RNF10: variants seen among roughly 807,000 people sequenced by gnomAD.
RNF10 encodes the protein E3 ubiquitin-protein ligase RNF10.
In RNF10, 38 loss-of-function variants were observed where a neutral mutation model predicts 91.4. That is an observed-to-expected ratio of 0.42 (90% CI 0.32 to 0.54). The LOEUF (loss-of-function observed/expected upper bound fraction) is 0.54. Ranked by LOEUF, RNF10 falls within the 20% of genes least tolerant of loss-of-function variation. RNF10 has a pLI of 0.16. For synonymous variants in RNF10, 364 were observed against 366.3 expected (o/e 0.99, Z 0.07); for missense variants, 945 against 1,012.0 (o/e 0.93, Z 0.90).
intron 1 of RNF10, among the ~76,000 whole-genome samples, chr12:120,543,832 G>A (rs1871912336): frequency 6.6e-6 from 1 of 151,640 alleles, no homozygotes; most frequent in African/African-American, 2.4e-5. Flanking sequence ...TGGGTGTGGT[G>A]GTGCACACCT....
chr12:120,557,510 TC>T (rs1158704021), intron 5 of RNF10, 35 bp from the exon 6 acceptor site: 2 of 1,613,914 alleles, frequency 1.2e-6, no homozygotes, highest in Non-Finnish European at 1.7e-6. Context: ...ATCTCTTCAC[TC>T]CTTGCCCTGC....
At chr12:120,548,598 G>A (rs554758174) in intron 2 of RNF10, among the ~76,000 whole-genome samples, 119 of 152,150 alleles carry the variant, frequency 7.8e-4, no homozygotes, top group African/African-American at 2.7e-3. Flanking sequence ...TTGCTCTAAA[G>A]GGGAGCAGAG....
At chr12:120,546,173 CTA>C in intron 1 of RNF10, among the ~76,000 whole-genome samples, 1 of 152,262 alleles carries the variant, frequency 6.6e-6, no homozygotes, top group South Asian at 2.1e-4. Flanking sequence ...GTGGTTTGAT[CTA>C]CGCTGTGTTT....
At chr12:120,551,127 A>G (rs1872985507) in intron 2 of RNF10, among the ~76,000 whole-genome samples, 1 of 151,658 alleles carries the variant, frequency 6.6e-6, no homozygotes, top group Non-Finnish European at 1.5e-5. Context: ...ATGGGACCAC[A>G]GGCATGCATC....
Position 120,563,909 on chromosome 12 carries a change from C to T in RNF10, c.1631C>T (p.Thr544Ile), listed in dbSNP as rs377456759. 3.7e-6 allele frequency: 6 copies of T among 1,614,046 alleles called. No individual in the cohort carries two copies. The African/African-American group carries it at 6.7e-5, about 18-fold the overall frequency. Reference sequence around the variant, plus strand: ...AGGAGCCCCGAGAAGATCTCAGCAACTGTGGTGGAGATTGCTGGCTACTCC... The same window carrying T: ...AGGAGCCCCGAGAAGATCTCAGCAATTGTGGTGGAGATTGCTGGCTACTCC... ...LERSPEKISA[T>I]VVEIAGYSMS... Residue 544 changes from threonine (T) to isoleucine (I), a missense_variant, in exon 10 of 17, where the codon ACT (threonine) becomes ATT (isoleucine). Coordinates refer to ENST00000325954, the MANE Select transcript of RNF10 (RefSeq NM_014868.5).
At chr12:120,535,045 G>A in intron 1 of RNF10, 77 bp downstream of exon 1, 1 of 1,435,600 alleles carries the variant, frequency 7.0e-7, no homozygotes, top group Non-Finnish European at 9.2e-7. Flanking sequence ...CATCGGCTGG[G>A]TTACTCGGGG....
At chr12:120,569,334 A>G (rs1413336100) in intron 13 of RNF10, among the ~76,000 whole-genome samples, 1 of 150,034 alleles carries the variant, frequency 6.7e-6, no homozygotes, top group East Asian at 1.9e-4. Context: ...TGGAATATTT[A>G]AAACTTGTGG....
At chr12:120,564,983 T>C (rs953873876) in intron 10 of RNF10, 89 bp from the exon 11 acceptor site, 10 of 809,344 alleles carry the variant, frequency 1.2e-5, no homozygotes, top group South Asian at 2.9e-5. Flanking sequence ...GGCTGTGTTA[T>C]GTATATATTG....
At position 120,563,553 on chromosome 12, in the gene RNF10, C is replaced by G. The variant is rs778798355; in HGVS notation, c.1461C>G (p.Ser487Arg). Residue 487 changes from serine (S) to arginine (R), a missense_variant, in exon 9 of 17, where the codon AGC becomes AGG. By Grantham distance (110) the Ser-to-Arg change is moderately radical. Transcript: ENST00000325954. ...AGGGGACCATTTGCACTGAGTCCAG[C>G]CAGCAGGAACCCATCACCAAGTCAG... ...LKEGTICTES[S>R]QQEPITKSGF... 1.4e-5 allele frequency: 23 copies of G among 1,613,848 alleles called. No homozygotes were observed. The highest frequency in any genetic ancestry group is 1.9e-5 in the Non-Finnish European group (23 of 1,179,874).
At chr12:120,536,568 C>A (rs891565681) in intron 1 of RNF10, among the ~76,000 whole-genome samples, 1 of 152,098 alleles carries the variant, frequency 6.6e-6, no homozygotes. Context: ...TATGGGTTCT[C>A]GGGCCGTGTC....
intron 2 of RNF10, among the ~76,000 whole-genome samples, chr12:120,549,598 A>G (rs1366517854): frequency 6.6e-6 from 1 of 152,132 alleles, no homozygotes; most frequent in African/African-American, 2.4e-5. Flanking sequence ...GGGCCTGGCT[A>G]ATGTGGCAAA....
rs547077677 is a variant in RNF10 at position 120,577,138 on chromosome 12, CAG to C, written c.*473_*474del. On this transcript the variant is annotated 3_prime_UTR_variant, in exon 17 of 17. Transcript: ENST00000325954. The stretch of plus-strand genomic sequence containing the variant: ...TATTTAGTTCTCCTTGTTAAAGAAA[CAG>C]GGGTGGGAATAAAATGGATTTAGGA... 276 of 443,942 alleles carry C rather than the reference CAG, an allele frequency of 6.2e-4. 3 individuals are homozygous for C. The East Asian group carries it at 0.012, about 19-fold the overall frequency. The allele number at this position is 443,942 out of a possible 1,614,324, so 27.5% of individuals were successfully genotyped here.
At chr12:120,552,478 A>G (rs1873254843) in intron 2 of RNF10, 21 bp from the exon 3 acceptor site, 1 of 1,602,488 alleles carries the variant, frequency 6.2e-7, no homozygotes, top group Non-Finnish European at 8.5e-7. Context: ...TGAAATACTG[A>G]TTCATTCTCA....
chr12:120,563,907 A>C lies in RNF10; in HGVS notation c.1629A>C (p.Ala543=). ...AGAGGAGCCCCGAGAAGATCTCAGC[A>C]ACTGTGGTGGAGATTGCTGGCTACT... ...SLERSPEKIS[A]TVVEIAGYSM... is the part of the protein sequence containing the mutation. Residue 543 remains alanine, a synonymous_variant, in exon 10 of 17, where the codon GCA becomes GCC. Transcript: ENST00000325954. 1 of 1,614,164 alleles carries C rather than the reference A, an allele frequency of 6.2e-7. No homozygotes were observed. Among genetic ancestry groups the C allele is most frequent in the African/African-American group, 1.3e-5 (1 of 75,034 alleles).
intron 6 of RNF10, among the ~76,000 whole-genome samples, chr12:120,558,014 G>C (rs1874287685): frequency 1.3e-5 from 2 of 152,164 alleles, no homozygotes. Flanking sequence ...AGACAGACTG[G>C]TAGACTGGCC....
chr12:120,563,211 C>T, intron 8 of RNF10, 136 bp from the exon 9 acceptor site: 1 of 1,481,372 alleles, frequency 6.8e-7, no homozygotes, highest in African/African-American at 1.4e-5. Context: ...TAGTTCTTTC[C>T]CCAGGGGTGT....
At chr12:120,576,530 C>T (rs1877415463) in intron 16 of RNF10, 60 bp from the exon 17 acceptor site, 2 of 1,574,894 alleles carry the variant, frequency 1.3e-6, no homozygotes, top group Admixed American at 3.9e-5. Flanking sequence ...GTAATGAAAA[C>T]TGGCCAGGGG....
intron 7 of RNF10, among the ~76,000 whole-genome samples, 171 bp downstream of exon 7, chr12:120,561,057 C>T (rs1874771235): frequency 6.6e-6 from 1 of 152,052 alleles, no homozygotes; most frequent in Non-Finnish European, 1.5e-5. Context: ...CTAAAAAAGC[C>T]AATTTGTTTT....
chr12:120,576,038 TA>T lies in RNF10; in HGVS notation c.2359+90del, dbSNP rs1877347064. 3 of 1,340,948 alleles carry T rather than the reference TA, an allele frequency of 2.2e-6. No individual in the cohort carries two copies. In the African/African-American group the frequency reaches 4.3e-5, roughly 19 times the overall value. The allele number at this position is 1,340,948 out of a possible 1,614,324, so 83.1% of individuals were successfully genotyped here. On this transcript the variant is annotated intron_variant, in intron 16 of 16. Coordinates refer to ENST00000325954, the MANE Select transcript of RNF10 (RefSeq NM_014868.5). ...GCCTGGATTCAGTGGCAGACATCACTAATTAGGCTCTTTCCCTTCTGAACCC... is the reference window on the plus strand; with the variant it reads ...GCCTGGATTCAGTGGCAGACATCACTATTAGGCTCTTTCCCTTCTGAACCC...
Sources: allele counts gnomAD v4.1 joint callset (sites outside exome capture counted in the v4.1 genomes callset), GRCh38; gene constraint gnomAD v4.1.1; transcripts MANE v1.5; gene names NCBI Gene and HGNC (gene_info 2026-07-23, HGNC 2026-07-21).